The following CSMD3 variants were observed in gnomAD, a reference collection of about 807,000 sequenced individuals.
The protein encoded by CSMD3 is CUB and Sushi multiple domains 3.
CSMD3 carries 177 observed loss-of-function variants against 435.2 expected under a neutral mutation model. That is an observed-to-expected ratio of 0.41 (90% CI 0.36 to 0.46). The LOEUF (loss-of-function observed/expected upper bound fraction) is 0.46, where lower values mean the gene tolerates loss of function less well. CSMD3 is among the 20% of genes least tolerant of loss of function. CSMD3 has a pLI of 0.34. For missense variants in CSMD3, 4,265 were observed against 4,504.6 expected, an observed-to-expected ratio of 0.95 and a Z score of 1.52; for synonymous variants, 1,656 against 1,520.5, an observed-to-expected ratio of 1.09 and a Z score of -2.07.
intron 32 of CSMD3, among the ~76,000 whole-genome samples, chr8:112,445,032 CAGA>C (rs1280920313): frequency 5.3e-5 from 8 of 152,072 alleles, no homozygotes; most frequent in Non-Finnish European, 1.0e-4. Context: ...CACTTGAGGT[CAGA>C]AGTTCAAGAC....
At chr8:112,396,521 CTA>C (rs1406739572) in intron 35 of CSMD3, among the ~76,000 whole-genome samples, 2 of 152,148 alleles carry the variant, frequency 1.3e-5, no homozygotes, top group African/African-American at 4.8e-5. Context: ...AGCAAGGAAA[CTA>C]TGCAAGAGTA....
intron 3 of CSMD3, among the ~76,000 whole-genome samples, chr8:113,269,795 C>G (rs1034622054): frequency 6.6e-6 from 1 of 152,042 alleles, no homozygotes; most frequent in Non-Finnish European, 1.5e-5. Context: ...TTCCTTACAC[C>G]TTATACAAAA....
chr8:112,236,940 G>A (rs1348982149), intron 67 of CSMD3, among the ~76,000 whole-genome samples: 1 of 152,120 alleles, frequency 6.6e-6, no homozygotes, highest in East Asian at 1.9e-4. Flanking sequence ...TCTAATATAT[G>A]ACATCTAATT....
At chr8:112,376,660 A>G (rs555400238) in intron 38 of CSMD3, among the ~76,000 whole-genome samples, 1 of 152,120 alleles carries the variant, frequency 6.6e-6, no homozygotes, top group South Asian at 2.1e-4. Context: ...CCTAGATTCT[A>G]AACCCCATTA....
intron 5 of CSMD3, among the ~76,000 whole-genome samples, chr8:113,085,324 T>G (rs535311162): frequency 2.0e-5 from 3 of 152,034 alleles, no homozygotes; most frequent in African/African-American, 7.2e-5. Flanking sequence ...GTCATACAAT[T>G]TTGGTGGGAA....
At chr8:112,403,149 A>T (rs1831483096) in intron 35 of CSMD3, among the ~76,000 whole-genome samples, 1 of 152,212 alleles carries the variant, frequency 6.6e-6, no homozygotes, top group Non-Finnish European at 1.5e-5. Flanking sequence ...TGCACAATAA[A>T]TGAGGCAGAA....
intron 1 of CSMD3, among the ~76,000 whole-genome samples, chr8:113,399,915 T>C (rs934776933): frequency 1.3e-5 from 2 of 151,406 alleles, no homozygotes; most frequent in Admixed American, 1.3e-4. Context: ...TGATTATTTG[T>C]ATTGGCTAGA....
intron 4 of CSMD3, among the ~76,000 whole-genome samples, chr8:113,159,810 A>G (rs141801370): frequency 0.011 from 1,647 of 152,100 alleles, 16 homozygotes; most frequent in Non-Finnish European, 0.017. Context: ...ACTCCTCAAT[A>G]ATAATTTGTC....
Position 113,258,368 on chromosome 8 carries a change from G to A in CSMD3, c.514+20224C>T, listed in dbSNP as rs911575949. 2.0e-5 allele frequency among the ~76,000 whole-genome samples: 3 copies of A among 152,130 alleles called. No homozygotes were observed. The East Asian group carries it at 5.8e-4, about 29-fold the overall frequency. Reference sequence around the variant, plus strand: ...GACACTGTGGCAGAGACTGCCAGTTGTCTCCTATTGGTCTCTATCCCTTTC... The same window carrying A: ...GACACTGTGGCAGAGACTGCCAGTTATCTCCTATTGGTCTCTATCCCTTTC... On this transcript the variant is annotated intron_variant, in intron 3 of 70. Transcript: ENST00000297405.
At chr8:112,488,416 G>T (rs1045036399) in intron 31 of CSMD3, among the ~76,000 whole-genome samples, 1 of 152,146 alleles carries the variant, frequency 6.6e-6, no homozygotes, top group Admixed American at 6.5e-5. Flanking sequence ...AAATGTAGTT[G>T]TGTTCTAAGA....
At position 112,737,568 on chromosome 8, in the gene CSMD3, G is replaced by A. The variant is rs190423233; in HGVS notation, c.1973-47518C>T. ...TCCTGGTTTGCCCTGGACAGTTCCA[G>A]TTTATGCCCATTGTGTGATTGGAGT... On this transcript the variant is annotated intron_variant, in intron 13 of 70. Coordinates refer to ENST00000297405, the MANE Select transcript of CSMD3 (RefSeq NM_198123.2). Among the ~76,000 whole-genome samples, 23 of 152,012 alleles carry A rather than the reference G, an allele frequency of 1.5e-4. 1 individual carries two copies. In the East Asian group the frequency reaches 3.9e-3, roughly 26 times the overall value.
chr8:113,214,096 A>C (rs2092871878), intron 3 of CSMD3, among the ~76,000 whole-genome samples: 1 of 152,046 alleles, frequency 6.6e-6, no homozygotes, highest in African/African-American at 2.4e-5. Flanking sequence ...CAGTTAGAAA[A>C]GCCTGGAGAG....
intron 3 of CSMD3, among the ~76,000 whole-genome samples, chr8:113,195,739 A>G (rs1283168364): frequency 3.4e-5 from 5 of 145,554 alleles, no homozygotes; most frequent in African/African-American, 1.3e-4. Context: ...CTATATCTCT[A>G]TCTATTTAAC....
At chr8:112,485,085 A>G (rs1043393414) in intron 31 of CSMD3, among the ~76,000 whole-genome samples, 1 of 152,134 alleles carries the variant, frequency 6.6e-6, no homozygotes, top group Non-Finnish European at 1.5e-5. Flanking sequence ...CAGGAGGCCA[A>G]CTGGAGACAG....
In CSMD3 at chr8:113,007,799, T is replaced by G. The variant is rs550237302; in HGVS notation, c.1030+11268A>C. On this transcript the variant is annotated intron_variant, in intron 6 of 70. Transcript: ENST00000297405. Reference sequence around the variant, plus strand: ...CTAAGGTTATAACTAAAATCTCATATGCATTTGTGATATTTTTCTTTTTGC... The same window carrying G: ...CTAAGGTTATAACTAAAATCTCATAGGCATTTGTGATATTTTTCTTTTTGC... 1.2e-4 allele frequency among the ~76,000 whole-genome samples: 19 copies of G among 152,106 alleles called. 1 individual carries two copies. The South Asian group carries it at 3.9e-3, about 31-fold the overall frequency.
At chr8:113,428,470 T>C (rs997203173) in intron 1 of CSMD3, among the ~76,000 whole-genome samples, 3 of 151,770 alleles carry the variant, frequency 2.0e-5, no homozygotes, top group East Asian at 1.9e-4. Context: ...TGGCAAATCA[T>C]TGAACTCTGG....
intron 16 of CSMD3, among the ~76,000 whole-genome samples, chr8:112,671,104 G>GT (rs2075645345): frequency 6.6e-6 from 1 of 151,980 alleles, no homozygotes; most frequent in African/African-American, 2.4e-5. Context: ...AAATTCCTAG[G>GT]TTTTAGTGGA....
At chr8:113,082,757 T>G (rs2089615535) in intron 5 of CSMD3, among the ~76,000 whole-genome samples, 1 of 152,032 alleles carries the variant, frequency 6.6e-6, no homozygotes. Context: ...AGATATCATG[T>G]AAAGGAACAA....
chr8:112,857,396 T>C (rs568576240), intron 11 of CSMD3, among the ~76,000 whole-genome samples: 1 of 151,930 alleles, frequency 6.6e-6, no homozygotes, highest in African/African-American at 2.4e-5. Flanking sequence ...AATTCTGTAA[T>C]AATAATGATT....
Sources: allele counts gnomAD v4.1 joint callset (sites outside exome capture counted in the v4.1 genomes callset), GRCh38; gene constraint gnomAD v4.1.1; transcripts MANE v1.5; gene names NCBI Gene and HGNC (gene_info 2026-07-23, HGNC 2026-07-21).